The following ANKS3 variants were observed in gnomAD, a reference collection of about 807,000 sequenced individuals.
ANKS3 encodes ankyrin repeat and sterile alpha motif domain containing 3, also known as ankyrin repeat and SAM domain-containing protein 3.
A neutral mutation model predicts 80.7 loss-of-function variants in ANKS3; 62 were observed. That is an observed-to-expected ratio of 0.77 (90% confidence interval 0.63 to 0.95). The LOEUF is 0.95. Among genes scored for constraint, ANKS3 ranks in the 40% least tolerant of loss-of-function variants. The probability of loss-of-function intolerance (pLI) is 0.00; values close to 1 mark genes in which losing one functional copy is unlikely to be tolerated. For synonymous variants in ANKS3, 489 were observed against 355.3 expected, an observed-to-expected ratio of 1.38 and a Z score of -4.23; for missense variants, 1,150 against 883.6, an observed-to-expected ratio of 1.30 and a Z score of -3.82.
chr16:4,727,301 G>A, intron 3 of ANKS3, 124 bp from the exon 4 acceptor site: 1 of 950,124 alleles, frequency 1.1e-6, no homozygotes, highest in Non-Finnish European at 1.6e-6. Context: ...CTGCCACCCT[G>A]GACGTTGTGG....
At chr16:4,722,735 T>C in intron 6 of ANKS3, among the ~76,000 whole-genome samples, 2 of 151,342 alleles carry the variant, frequency 1.3e-5, no homozygotes, top group East Asian at 1.9e-4. Flanking sequence ...CTGGGCAACA[T>C]GGTGAAACCT....
intron 6 of ANKS3, among the ~76,000 whole-genome samples, chr16:4,716,205 A>C (rs2080784074): frequency 6.6e-6 from 1 of 151,620 alleles, no homozygotes; most frequent in Non-Finnish European, 1.5e-5. Flanking sequence ...CAAATACAAA[A>C]AGAAATTAGC....
chr16:4,701,145 A>T lies in ANKS3; in HGVS notation c.1120-11T>A. 2 of 1,613,686 alleles carry T rather than the reference A, an allele frequency of 1.2e-6. No homozygotes were observed. Among genetic ancestry groups the T allele is most frequent in the Non-Finnish European group, 1.7e-6 (2 of 1,180,002 alleles). ...GGCATGATCCGAGTCCTGCAGTGAG[A>T]GGCGTGCATCTGAAAGAGTGCGCGG... On this transcript the variant is annotated splice_polypyrimidine_tract_variant and intron_variant, in intron 10 of 17. Transcript: ENST00000304283.
chr16:4,702,906 G>A (rs1225356673), intron 8 of ANKS3, among the ~76,000 whole-genome samples: 2 of 152,180 alleles, frequency 1.3e-5, no homozygotes, highest in African/African-American at 4.8e-5. Context: ...GGGAGGCTGA[G>A]ACAGGAGGAT....
At chr16:4,732,091 G>A (rs1238309774) in intron 1 of ANKS3, among the ~76,000 whole-genome samples, 1 of 152,146 alleles carries the variant, frequency 6.6e-6, no homozygotes, top group Non-Finnish European at 1.5e-5. Flanking sequence ...ACCAATGTGG[G>A]AGACGAACAC....
intron 14 of ANKS3, 155 bp downstream of exon 14, chr16:4,698,272 A>G (rs1423197546): frequency 8.2e-6 from 10 of 1,218,938 alleles, no homozygotes; most frequent in African/African-American, 4.6e-5. Flanking sequence ...GTCTGCCTGC[A>G]GGAAGGAAGG....
At chr16:4,728,323 C>T (rs563417503) in intron 3 of ANKS3, among the ~76,000 whole-genome samples, 5 of 152,260 alleles carry the variant, frequency 3.3e-5, no homozygotes, top group South Asian at 2.1e-4. Context: ...GGATTACAGG[C>T]GTGAGCCACC....
chr16:4,720,235 G>A (rs932666018), intron 6 of ANKS3, among the ~76,000 whole-genome samples: 9 of 146,924 alleles, frequency 6.1e-5, no homozygotes, highest in Non-Finnish European at 1.5e-5. Context: ...AGACCAAGGC[G>A]GGCGGGTCAC....
chr16:4,715,382 A>C (rs2080739869), intron 6 of ANKS3, among the ~76,000 whole-genome samples: 1 of 152,228 alleles, frequency 6.6e-6, no homozygotes, highest in Non-Finnish European at 1.5e-5. Context: ...GAGGCAGGGA[A>C]GCCAGAGCCA....
chr16:4,707,179 A>C (rs2080238450), intron 7 of ANKS3, among the ~76,000 whole-genome samples: 1 of 152,220 alleles, frequency 6.6e-6, no homozygotes, highest in Admixed American at 6.5e-5. Context: ...AGAGCAGCTT[A>C]AAAAGAACAG....
At position 4,699,420 on chromosome 16, in the gene ANKS3, T is replaced by G. The variant is rs1359451246; in HGVS notation, c.1285-244A>C. On this transcript the variant is annotated intron_variant, in intron 11 of 17. Coordinates refer to ENST00000304283, the MANE Select transcript of ANKS3 (RefSeq NM_133450.4). The stretch of plus-strand genomic sequence containing the variant: ...GTATGTTCATCACCAGAAACTGGCC[T>G]CCTCCTCCCACACATGCTCAGTTCT... The G allele has an allele frequency of 2.6e-5, 14 of 545,580 alleles. 1 individual carries two copies. Among genetic ancestry groups the G allele is most frequent in the South Asian group, 1.0e-4 (5 of 49,320 alleles). 33.8% of individuals were successfully genotyped at this position (545,580 alleles called of 1,614,324 possible).
At chr16:4,699,495 A>G in intron 11 of ANKS3, 1 of 343,256 alleles carries the variant, frequency 2.9e-6, no homozygotes, top group East Asian at 5.8e-5. Context: ...GTAGGCGGAG[A>G]GCGCTGCCCT....
rs534848107 is a variant in ANKS3 at position 4,706,336 on chromosome 16, C to T, written c.710-1083G>A. On this transcript the variant is annotated intron_variant, in intron 7 of 17. Transcript: ENST00000304283. The stretch of plus-strand genomic sequence containing the variant: ...AGCTCCACCTCCTGGGTTCACGCCA[C>T]TCTCCTGCCTCAGGCTCCCAAGTAG... 9.2e-5 allele frequency among the ~76,000 whole-genome samples: 14 copies of T among 152,074 alleles called. No individual in the cohort carries two copies. In the East Asian group the frequency reaches 1.2e-3, roughly 13 times the overall value.
rs1427311059 is a variant in ANKS3 at position 4,698,953 on chromosome 16, A to G, written c.1410-12T>C. On this transcript the variant is annotated splice_polypyrimidine_tract_variant and intron_variant, in intron 12 of 17. Transcript: ENST00000304283. ...TGGGCCCAAACAGCCTGCGGGGGGA[A>G]TGTGACCAGGATATGCCTCAGCGTC... 2 of 1,606,336 alleles carry G rather than the reference A, an allele frequency of 1.2e-6. No individual in the cohort carries two copies. The highest frequency in any genetic ancestry group is 2.2e-5 in the East Asian group (1 of 44,716).
intron 7 of ANKS3, among the ~76,000 whole-genome samples, chr16:4,713,560 T>G (rs756363239): frequency 6.6e-6 from 1 of 151,964 alleles, no homozygotes; most frequent in Non-Finnish European, 1.5e-5. Flanking sequence ...TGAAGAAAAA[T>G]TTAAAACCCT....
intron 6 of ANKS3, among the ~76,000 whole-genome samples, chr16:4,723,618 G>A (rs1486113704): frequency 2.0e-5 from 3 of 152,310 alleles, no homozygotes; most frequent in African/African-American, 4.8e-5. Context: ...CACCCCTGCC[G>A]CAGCATGCAG....
At chr16:4,721,917 C>T (rs859295) in intron 6 of ANKS3, among the ~76,000 whole-genome samples, 83,004 of 150,806 alleles carry the variant, frequency 0.55, 23,908 homozygotes, top group East Asian at 0.66. Context: ...ATTACAGGAG[C>T]GAGACAATGC....
chr16:4,713,038 G>C (rs1438788417), intron 7 of ANKS3, among the ~76,000 whole-genome samples: 2 of 152,206 alleles, frequency 1.3e-5, no homozygotes, highest in East Asian at 1.9e-4. Flanking sequence ...GGGAGGCTGA[G>C]ATGGGTGGAT....
chr16:4,712,843 T>G lies in ANKS3; in HGVS notation c.709+1208A>C, dbSNP rs181719567. On this transcript the variant is annotated intron_variant, in intron 7 of 17. Transcript: ENST00000304283. ...GTGCAATTCAACAAAGTCAGAGTCA[T>G]GAGAATCAGCAGGAAGCAGTGTATC... 1.1e-4 allele frequency among the ~76,000 whole-genome samples: 16 copies of G among 152,248 alleles called. No homozygotes were observed. The East Asian group carries it at 3.1e-3, about 29-fold the overall frequency.
Sources: gnomAD v4.1 joint callset for allele counts (sites outside exome capture counted in the v4.1 genomes callset) on GRCh38, gnomAD v4.1.1 for gene constraint, MANE v1.5 for transcripts, NCBI Gene and HGNC (gene_info 2026-07-23, HGNC 2026-07-21) for gene names.